Variants in GDF6 observed in about 807,000 individuals in gnomAD.
GDF6 encodes growth/differentiation factor 6.
A neutral mutation model predicts 32.4 loss-of-function variants in GDF6; 3 were observed. That is an observed-to-expected ratio of 0.09 (90% confidence interval 0.04 to 0.24). The LOEUF is 0.24. GDF6 is among the 10% of genes least tolerant of loss of function. GDF6 has a pLI of 1.00. For synonymous variants in GDF6, 296 were observed against 295.3 expected (o/e 1.00, Z -0.03); for missense variants, 589 against 637.9 (o/e 0.92, Z 0.83).
intron 1 of GDF6, among the ~76,000 whole-genome samples, chr8:96,158,918 G>A (rs769567000): frequency 1.3e-5 from 2 of 152,074 alleles, no homozygotes; most frequent in Non-Finnish European, 2.9e-5. Flanking sequence ...GGGCTGCAGC[G>A]GCGAGACCCT....
rs776765163 is a variant in GDF6, at chr8:96,144,554, A to G, written c.*9T>C. 6.2e-7 allele frequency: 1 copy of G among 1,613,260 alleles called. No individual in the cohort carries two copies. The highest frequency in any genetic ancestry group is 8.5e-7 in the Non-Finnish European group (1 of 1,179,734). On this transcript the variant is annotated 3_prime_UTR_variant, in exon 2 of 2. Transcript: ENST00000287020. The surrounding 1 kb of genome is among the most constrained non-coding windows in gnomAD (Gnocchi z 5.1). ...TTGGTTCCGGGCCAAGGCGGCGGGAAAGGCACCGCTACCTGCAGCCGCACG... is the reference window on the plus strand; with the variant it reads ...TTGGTTCCGGGCCAAGGCGGCGGGAGAGGCACCGCTACCTGCAGCCGCACG...
At chr8:96,159,121 C>G (rs901857963) in intron 1 of GDF6, among the ~76,000 whole-genome samples, 1 of 152,224 alleles carries the variant, frequency 6.6e-6, no homozygotes, top group Non-Finnish European at 1.5e-5. Flanking sequence ...CCCCACTTAA[C>G]TGGGAGCAGG....
chr8:96,146,994 T>TC (rs1484408795), intron 1 of GDF6, among the ~76,000 whole-genome samples: 5 of 152,154 alleles, frequency 3.3e-5, no homozygotes, highest in Non-Finnish European at 7.4e-5. Flanking sequence ...TGGGCTGCCT[T>TC]CCCATAAAAT....
At chr8:96,152,763 A>C (rs1413201488) in intron 1 of GDF6, among the ~76,000 whole-genome samples, 1 of 152,078 alleles carries the variant, frequency 6.6e-6, no homozygotes, top group African/African-American at 2.4e-5. Context: ...TCTGCTTCCA[A>C]AGACCAGAGG....
chr8:96,145,338 T>C lies in GDF6; in HGVS notation c.593A>G (p.Asp198Gly), dbSNP rs773901485. 3 of 1,541,662 alleles carry C rather than the reference T, an allele frequency of 1.9e-6. No homozygotes were observed. Among genetic ancestry groups the C allele is most frequent in the Non-Finnish European group, 2.6e-6 (3 of 1,150,266 alleles). The change falls in exon 2 of 2, where the codon GAC (aspartate) becomes GGC (glycine). Residue 198 changes from aspartate to glycine, a missense_variant. Asp to Gly is a moderately conservative substitution (Grantham distance 94). Coordinates refer to ENST00000287020, the MANE Select transcript of GDF6 (RefSeq NM_001001557.4). The surrounding 1 kb of genome is among the most constrained non-coding windows in gnomAD (Gnocchi z 5.6). ...CCCCTGCGGGTCCAGGGTCCGCGCG[T>C]CCAGCAGTAGGGGCGAAAGGCAAGG... The part of the protein sequence containing the change: ...LFPCLSPLLL[D>G]ARTLDPQGAP...
In GDF6 at chr8:96,144,697, G is replaced by C. The variant is rs1401608802; in HGVS notation, c.1234C>G (p.Pro412Ala). Residue 412 changes from proline to alanine, a missense_variant, in exon 2 of 2, where the codon CCC becomes GCC. Coordinates refer to ENST00000287020, the MANE Select transcript of GDF6 (RefSeq NM_001001557.4). This position sits in a 1 kb window ranked among gnomAD's most constrained non-coding sequence, Gnocchi z 5.1. ...IIQTLMNSMD[P>A]GSTPPSCCVP... ...CAGCAGCTGGGCGGGGTGGAGCCGG[G>C]GTCCATGGAGTTCATCAGCGTCTGG... is the stretch of plus-strand genomic sequence containing the variant. The C allele has an allele frequency of 6.2e-7, 1 of 1,614,164 alleles. No homozygotes were observed.
chr8:96,157,801 A>G (rs1812694323), intron 1 of GDF6, among the ~76,000 whole-genome samples: 1 of 152,160 alleles, frequency 6.6e-6, no homozygotes, highest in Non-Finnish European at 1.5e-5. Flanking sequence ...TAGATCGCTG[A>G]GTTGAAACAC....
chr8:96,160,233 C>T, intron 1 of GDF6, 54 bp downstream of exon 1: 1 of 1,585,048 alleles, frequency 6.3e-7, no homozygotes, highest in Non-Finnish European at 8.7e-7. Flanking sequence ...GGAACAGCTC[C>T]CTGGCTGCCG....
intron 1 of GDF6, among the ~76,000 whole-genome samples, chr8:96,156,181 A>G (rs991775988): frequency 6.6e-6 from 1 of 152,196 alleles, no homozygotes; most frequent in African/African-American, 2.4e-5. Context: ...TGAGAATATT[A>G]TTACAACAAG....
At chr8:96,154,915 T>C (rs995001622) in intron 1 of GDF6, among the ~76,000 whole-genome samples, 6 of 152,082 alleles carry the variant, frequency 3.9e-5, no homozygotes, top group Non-Finnish European at 8.8e-5. Context: ...AAACATGTGG[T>C]GTTAGGGCCT....
At position 96,144,281 on chromosome 8, in the gene GDF6, AGAG is replaced by A; in HGVS notation, c.*279_*281del. ...GAGAGAGAGAGAGAGAGAGAGAGAG[AGAG>A]AGAGAGAAAACAGAACAAAAGAAAT... is the stretch of plus-strand genomic sequence containing the variant. On this transcript the variant is annotated 3_prime_UTR_variant, in exon 2 of 2. Transcript: ENST00000287020. This position sits in a 1 kb window ranked among gnomAD's most constrained non-coding sequence, Gnocchi z 5.1. The A allele has an allele frequency of 2.1e-6, 1 of 487,204 alleles. No individual in the cohort carries two copies. The highest frequency in any genetic ancestry group is 2.1e-5 in the South Asian group (1 of 47,820). The allele number at this position is 487,204 out of a possible 1,614,324, so 30.2% of individuals were successfully genotyped here.
Position 96,160,697 on chromosome 8 carries a change from G to A in GDF6, c.-5C>T, listed in dbSNP as rs1347371851. On this transcript the variant is annotated 5_prime_UTR_variant, in exon 1 of 2. Coordinates refer to ENST00000287020, the MANE Select transcript of GDF6 (RefSeq NM_001001557.4). ...CAGGACCCTGGGAGTATCCATGGCG[G>A]GCAAGTGGCTGCGTCTCCCCAGGAG... 1 of 1,613,188 alleles carries A rather than the reference G, an allele frequency of 6.2e-7. No individual in the cohort carries two copies.
intron 1 of GDF6, among the ~76,000 whole-genome samples, chr8:96,153,474 G>T (rs1197765308): frequency 6.6e-6 from 1 of 152,202 alleles, no homozygotes; most frequent in Non-Finnish European, 1.5e-5. Flanking sequence ...GCGCGCACGC[G>T]GCCTGCCCTT....
intron 1 of GDF6, among the ~76,000 whole-genome samples, chr8:96,159,039 G>A (rs1278914656): frequency 6.6e-6 from 1 of 152,072 alleles, no homozygotes; most frequent in Admixed American, 6.5e-5. Flanking sequence ...AGAGATGTGC[G>A]AGCACCCAGG....
chr8:96,144,939 C>A lies in GDF6; in HGVS notation c.992G>T (p.Arg331Leu). The change falls in exon 2 of 2, where the codon CGC becomes CTC. Residue 331 changes from arginine to leucine, a missense_variant. Arg to Leu is a moderately radical substitution (Grantham distance 102). This residue lies in a region of GDF6 where 153 missense variants were observed against 226.7 expected (regional missense o/e 0.67). Coordinates refer to ENST00000287020, the MANE Select transcript of GDF6 (RefSeq NM_001001557.4). This position sits in a 1 kb window ranked among gnomAD's most constrained non-coding sequence, Gnocchi z 5.1. ...GGCGAAGGCCGTGCGCCGCCGCCGGCGGCCGGGCGAGGGCAGCCAAGGCCT... is the reference window on the plus strand; with the variant it reads ...GGCGAAGGCCGTGCGCCGCCGCCGGAGGCCGGGCGAGGGCAGCCAAGGCCT... ...DARPWLPSPG[R>L]RRRRTAFASR... 2 of 1,575,896 alleles carry A rather than the reference C, an allele frequency of 1.3e-6. No homozygotes were observed. Among genetic ancestry groups the A allele is most frequent in the Non-Finnish European group, 1.7e-6 (2 of 1,161,774 alleles).
rs1458078135 is a variant in GDF6 at position 96,160,531 on chromosome 8, C to T, written c.162G>A (p.Ala54=). ...RSRKEGKMQR[A]PRDSDAGREG... is the part of the protein sequence containing the mutation. ...CCCGGCCCGCGTCACTGTCGCGCGG[C>T]GCCCGCTGCATCTTGCCTTCCTTGC... Residue 54 remains alanine (A), a synonymous_variant, in exon 1 of 2, where the codon GCG becomes GCA. Coordinates refer to ENST00000287020, the MANE Select transcript of GDF6 (RefSeq NM_001001557.4). The T allele has an allele frequency of 1.9e-6, 3 of 1,613,416 alleles. No homozygotes were observed. The highest frequency in any genetic ancestry group is 1.7e-6 in the Non-Finnish European group (2 of 1,179,680).
intron 1 of GDF6, among the ~76,000 whole-genome samples, chr8:96,156,715 G>A (rs1812671712): frequency 6.6e-6 from 1 of 152,130 alleles, no homozygotes; most frequent in Non-Finnish European, 1.5e-5. Context: ...GGATAATATG[G>A]TTTGTGCATC....
Position 96,144,392 on chromosome 8 carries a change from G to A in GDF6, c.*171C>T, listed in dbSNP as rs1812430680. On this transcript the variant is annotated 3_prime_UTR_variant, in exon 2 of 2. Transcript: ENST00000287020. The surrounding 1 kb of genome is among the most constrained non-coding windows in gnomAD (Gnocchi z 5.1). ...TCTGGGCTGGCAGGTAGAAGTTACT[G>A]GGAAGGCTGCGCTCCCTTCTCTCCC... 1.4e-6 allele frequency: 1 copy of A among 724,800 alleles called. No individual in the cohort carries two copies. The highest frequency in any genetic ancestry group is 2.9e-5 in the Admixed American group (1 of 34,944). The allele number at this position is 724,800 out of a possible 1,614,324, so 44.9% of individuals were successfully genotyped here. A position where few individuals can be genotyped will look rare whatever the true frequency, so the allele number is the denominator to read the frequency against.
At position 96,144,624 on chromosome 8, in the gene GDF6, C is replaced by G; in HGVS notation, c.1307G>C (p.Gly436Ala). 6.2e-7 allele frequency: 1 copy of G among 1,613,994 alleles called. No individual in the cohort carries two copies. Among genetic ancestry groups the G allele is most frequent in the South Asian group, 1.1e-5 (1 of 91,038 alleles). Residue 436 changes from glycine to alanine, a missense_variant, in exon 2 of 2, where the codon GGC becomes GCC. Coordinates refer to ENST00000287020, the MANE Select transcript of GDF6 (RefSeq NM_001001557.4). This position sits in a 1 kb window ranked among gnomAD's most constrained non-coding sequence, Gnocchi z 5.1. ...TPISILYIDA[G>A]NNVVYKQYED... The stretch of plus-strand genomic sequence containing the variant: ...GTACTGCTTGTAGACCACATTATTG[C>G]CCGCGTCGATGTATAGAATGCTGAT...
Sources: gnomAD v4.1 joint callset for allele counts (sites outside exome capture counted in the v4.1 genomes callset) on GRCh38, gnomAD v4.1.1 for gene constraint, gnomAD v4.1.1 regional missense constraint, Gnocchi (gnomAD v3.1) non-coding constraint, MANE v1.5 for transcripts, NCBI Gene and HGNC (gene_info 2026-07-23, HGNC 2026-07-21) for gene names.